PPM1M: variants seen among roughly 807,000 people sequenced by gnomAD.
PPM1M encodes the protein protein phosphatase 1M.
Under a neutral mutation model 50.8 loss-of-function variants are expected in PPM1M, and 44 were observed. The ratio of observed to expected loss-of-function variants is 0.87; its 90% CI spans 0.68 to 1.11. The LOEUF (loss-of-function observed/expected upper bound fraction) is 1.11. Ranked by LOEUF, PPM1M falls within the 50% of genes most tolerant of loss-of-function variation. PPM1M has a pLI of 0.00. For missense variants in PPM1M, 556 were observed against 593.4 expected (o/e 0.94, Z 0.66); for synonymous variants, 224 against 242.9 (o/e 0.92, Z 0.72).
rs1577995742 is a variant in PPM1M, at chr3:52,247,685, G to A, written c.601G>A (p.Glu201Lys). The change falls in exon 4 of 10, where the codon GAG becomes AAG. Residue 201 changes from glutamate to lysine, a missense_variant. Coordinates refer to ENST00000323588, the MANE Select transcript of PPM1M (RefSeq NM_144641.4). The part of the protein sequence containing the change: ...ALESAFQECD[E>K]VIGRELEASG... ...AGGTGGCCTCGGTTTTCCCCAGGAT[G>A]AGGTGATCGGGCGGGAGCTGGAGGC... The A allele has an allele frequency of 6.3e-7, 1 of 1,595,976 alleles. No individual in the cohort carries two copies. The highest frequency in any genetic ancestry group is 8.5e-7 in the Non-Finnish European group (1 of 1,170,628).
At chr3:52,248,844 G>T in intron 7 of PPM1M, 112 bp from the exon 8 acceptor site, 1 of 1,248,020 alleles carries the variant, frequency 8.0e-7, no homozygotes, top group Non-Finnish European at 1.2e-6. Flanking sequence ...TCAGTCCAAG[G>T]CTTCCAAGGG....
intron 1 of PPM1M, chr3:52,246,436 G>A: frequency 2.1e-6 from 2 of 945,844 alleles, no homozygotes; most frequent in Non-Finnish European, 2.7e-6. Flanking sequence ...ACAGGGGCAG[G>A]AATGGCAACC....
chr3:52,247,640 G>C (rs1222308211), intron 3 of PPM1M, 42 bp from the exon 4 acceptor site: 3 of 1,279,768 alleles, frequency 2.3e-6, no homozygotes, highest in Non-Finnish European at 3.3e-6. Context: ...GTAGTATGGT[G>C]GCAGAACAGG....
Position 52,246,047 on chromosome 3 carries a change from G to A in PPM1M, c.223G>A (p.Glu75Lys), listed in dbSNP as rs1248251678. The change falls in exon 1 of 10, where the codon GAG (glutamate) becomes AAG (lysine). Residue 75 changes from glutamate to lysine, a missense_variant and splice_region_variant. Transcript: ENST00000323588. Reference sequence around the variant, plus strand: ...GCTACCCTGGAATGCAGGCTACGCCGAGTGAGTGCCCCTCCCCGACCCCCA... The same window carrying A: ...GCTACCCTGGAATGCAGGCTACGCCAAGTGAGTGCCCCTCCCCGACCCCCA... ...RTLPWNAGYA[E>K]IINAEKSEFN... is the part of the protein sequence containing the mutation. The A allele has an allele frequency of 1.7e-6, 2 of 1,145,992 alleles. No individual in the cohort carries two copies. The highest frequency in any genetic ancestry group is 9.7e-5 in the East Asian group (1 of 10,306). The allele number at this position is 1,145,992 out of a possible 1,614,324, so 71.0% of individuals were successfully genotyped here.
Position 52,249,506 on chromosome 3 carries a change from C to T in PPM1M, c.1236-164C>T, listed in dbSNP as rs935268527. 9 of 1,263,454 alleles carry T rather than the reference C, an allele frequency of 7.1e-6. No individual in the cohort carries two copies. The East Asian group carries it at 2.0e-4, about 28-fold the overall frequency. The allele number at this position is 1,263,454 out of a possible 1,614,324, so 78.3% of individuals were successfully genotyped here. A position where few individuals can be genotyped will look rare whatever the true frequency, so the allele number is the denominator to read the frequency against. On this transcript the variant is annotated intron_variant, in intron 9 of 9. Transcript: ENST00000323588. Reference sequence around the variant, plus strand: ...CCGAAAATCCCTGGATTTAGACTCTCATGGTCCAGCCCGTGGCCCTCCCAG... The same window carrying T: ...CCGAAAATCCCTGGATTTAGACTCTTATGGTCCAGCCCGTGGCCCTCCCAG...
rs1699920068 is a variant in PPM1M, at chr3:52,249,262, A to AGGGG, written c.1175_1176insGGGG (p.Asn392LysfsTer51). The stretch of plus-strand genomic sequence containing the variant: ...GATGGACTCTGGGATGTACTGTCCA[A>AGGGG]CGAGCAGGTGGCATGGCTGGTGCGG... On this transcript the variant is annotated frameshift_variant, in exon 9 of 10. Coordinates refer to ENST00000323588, the MANE Select transcript of PPM1M (RefSeq NM_144641.4). LOFTEE classifies it high-confidence loss of function. 1 of 1,613,684 alleles carries AGGGG rather than the reference A, an allele frequency of 6.2e-7. No individual in the cohort carries two copies. Among genetic ancestry groups the AGGGG allele is most frequent in the African/African-American group, 1.3e-5 (1 of 74,940 alleles).
At chr3:52,249,435 C>T in intron 9 of PPM1M, 113 bp downstream of exon 9, 2 of 1,415,966 alleles carry the variant, frequency 1.4e-6, no homozygotes, top group Non-Finnish European at 1.9e-6. Flanking sequence ...TGGCCAGGAT[C>T]AGGGCTGTCT....
intron 1 of PPM1M, 168 bp downstream of exon 1, chr3:52,246,216 C>T: frequency 9.9e-7 from 1 of 1,010,692 alleles, no homozygotes; most frequent in Non-Finnish European, 1.2e-6. Flanking sequence ...CATCCCGACC[C>T]AGCGTTTTCC....
chr3:52,250,222 G>A lies in PPM1M; in HGVS notation c.*408G>A, dbSNP rs1369137545. 2.1e-5 allele frequency: 4 copies of A among 186,984 alleles called. No individual in the cohort carries two copies. The highest frequency in any genetic ancestry group is 9.1e-5 in the African/African-American group (4 of 44,012). The allele number at this position is 186,984 out of a possible 1,614,324, so 11.6% of individuals were successfully genotyped here. ...TTTAGATCCAGGTCTCCAATTCATG[G>A]TTATCAGGGCATGTGTTCAACAACC... On this transcript the variant is annotated 3_prime_UTR_variant, in exon 10 of 10. Transcript: ENST00000323588.
intron 9 of PPM1M, 160 bp downstream of exon 9, chr3:52,249,482 C>A: frequency 1.6e-6 from 2 of 1,264,008 alleles, no homozygotes; most frequent in Non-Finnish European, 1.1e-6. Flanking sequence ...CCGTGGGTTC[C>A]GAAAATCCCT....
In PPM1M at chr3:52,245,941, C is replaced by T; in HGVS notation, c.117C>T (p.Gly39=). 2.4e-6 allele frequency: 3 copies of T among 1,246,010 alleles called. No individual in the cohort carries two copies. The highest frequency in any genetic ancestry group is 3.1e-6 in the Non-Finnish European group (3 of 969,362). The allele number at this position is 1,246,010 out of a possible 1,614,324, so 77.2% of individuals were successfully genotyped here. A position where few individuals can be genotyped will look rare whatever the true frequency, so the allele number is the denominator to read the frequency against. ...VPYRRPRFLR[G]SSSSPGAADA... ...ACCGACGGCCCCGCTTCCTTCGCGG[C>T]TCCAGCTCCAGCCCCGGGGCGGCCG... The change falls in exon 1 of 10, where the codon GGC becomes GGT. Residue 39 remains glycine, a synonymous_variant. Coordinates refer to ENST00000323588, the MANE Select transcript of PPM1M (RefSeq NM_144641.4). The surrounding 1 kb of genome is among the most constrained non-coding windows in gnomAD (Gnocchi z 4.8).
intron 2 of PPM1M, 71 bp downstream of exon 2, chr3:52,246,883 C>G (rs1559446580): frequency 6.6e-7 from 1 of 1,506,404 alleles, no homozygotes; most frequent in Non-Finnish European, 8.9e-7. Flanking sequence ...GGCTGAGGTT[C>G]TTACCCTGCT....
chr3:52,249,305 C>T lies in PPM1M; in HGVS notation c.1218C>T (p.Asn406=), dbSNP rs1236168733. ...TGGTGCGGAGCTTCCTCCCTGGGAA[C>T]CAAGAGGACCCACACAGGTACTGTA... ...AWLVRSFLPG[N]QEDPHRFSKL... The change falls in exon 9 of 10, where the codon AAC becomes AAT. Residue 406 remains asparagine, a synonymous_variant. Coordinates refer to ENST00000323588, the MANE Select transcript of PPM1M (RefSeq NM_144641.4). 1 of 1,603,868 alleles carries T rather than the reference C, an allele frequency of 6.2e-7. No homozygotes were observed. Among genetic ancestry groups the T allele is most frequent in the South Asian group, 1.1e-5 (1 of 89,470 alleles).
intron 9 of PPM1M, 139 bp downstream of exon 9, chr3:52,249,461 A>C (rs936754465): frequency 3.8e-5 from 49 of 1,294,218 alleles, no homozygotes; most frequent in Non-Finnish European, 5.3e-5. Context: ...TTCTTGGAGG[A>C]GGCAGGGAGA....
chr3:52,246,811 AG>A lies in PPM1M; in HGVS notation c.342+1del, dbSNP rs1699864453. On this transcript the variant is annotated frameshift_variant and splice_region_variant, in exon 2 of 10. Coordinates refer to ENST00000323588, the MANE Select transcript of PPM1M (RefSeq NM_144641.4). LOFTEE classifies it high-confidence loss of function. The stretch of plus-strand genomic sequence containing the variant: ...GAGTGGCTGACCCTGTGCCCAGAGG[AG>A]GTGAGTGCAGTCTGAGTTCTTGGCT... ...EEEWLTLCPE[E>X]FLTGHYWALF... The A allele has an allele frequency of 7.1e-7, 1 of 1,417,426 alleles. No individual in the cohort carries two copies. The highest frequency in any genetic ancestry group is 3.7e-5 in the East Asian group (1 of 27,350). 87.8% of individuals were successfully genotyped at this position (1,417,426 alleles called of 1,614,324 possible). A position where few individuals can be genotyped will look rare whatever the true frequency, so the allele number is the denominator to read the frequency against.
intron 3 of PPM1M, 143 bp from the exon 4 acceptor site, chr3:52,247,539 G>A: frequency 1.5e-6 from 1 of 687,814 alleles, no homozygotes; most frequent in South Asian, 1.8e-5. Context: ...TGACTGCAGG[G>A]ATCTTGGAGG....
intron 6 of PPM1M, 49 bp downstream of exon 6, chr3:52,248,502 G>A: frequency 1.3e-6 from 2 of 1,598,644 alleles, no homozygotes; most frequent in Non-Finnish European, 1.7e-6. Flanking sequence ...TGGGATCCAG[G>A]CCCAGCCGTA....
In PPM1M at chr3:52,245,834, G is replaced by A; in HGVS notation, c.10G>A (p.Gly4Ser). The change falls in exon 1 of 10, where the codon GGC becomes AGC. Residue 4 changes from glycine to serine, a missense_variant. Physicochemically the swap from Gly to Ser is moderately conservative, Grantham distance 56 (BLOSUM62 0). Transcript: ENST00000323588. This position sits in a 1 kb window ranked among gnomAD's most constrained non-coding sequence, Gnocchi z 4.8. ...CCCCTGCCGCCGCGCCATGTCCGCC[G>A]GCTGGTTCCGGCGCCGCTTCCTGCC... The part of the protein sequence containing the change: MSA[G>S]WFRRRFLPGE... The A allele has an allele frequency of 1.9e-6, 2 of 1,055,792 alleles. No homozygotes were observed. Among genetic ancestry groups the A allele is most frequent in the Non-Finnish European group, 2.3e-6 (2 of 871,058 alleles). 65.4% of individuals were successfully genotyped at this position (1,055,792 alleles called of 1,614,324 possible). A position where few individuals can be genotyped will look rare whatever the true frequency, so the allele number is the denominator to read the frequency against.
In PPM1M at chr3:52,246,917, G is replaced by A. The variant is rs549873522; in HGVS notation, c.343-57G>A. 2.9e-5 allele frequency: 44 copies of A among 1,521,356 alleles called. 1 individual carries two copies. Among genetic ancestry groups the A allele is most frequent in the Middle Eastern group, 2.1e-4 (1 of 4,872 alleles). 94.2% of individuals were successfully genotyped at this position (1,521,356 alleles called of 1,614,324 possible). A position where few individuals can be genotyped will look rare whatever the true frequency, so the allele number is the denominator to read the frequency against. On this transcript the variant is annotated intron_variant, in intron 2 of 9. Coordinates refer to ENST00000323588, the MANE Select transcript of PPM1M (RefSeq NM_144641.4). ...CTGCCCCAGGTCCTAGTTAGGTTGC[G>A]TCAGGGGACAAGTGGGGAAGTCAGG...
Sources: gnomAD v4.1 joint callset for allele counts on GRCh38, gnomAD v4.1.1 for gene constraint, Gnocchi (gnomAD v3.1) non-coding constraint, MANE v1.5 for transcripts, NCBI Gene and HGNC (gene_info 2026-07-23, HGNC 2026-07-21) for gene names.